Variants in ROBO1 observed in about 807,000 individuals in gnomAD.
ROBO1 encodes roundabout guidance receptor 1.
ROBO1 carries 149 observed loss-of-function variants against 195.9 expected under a neutral mutation model. The ratio of observed to expected loss-of-function variants is 0.76; its 90% CI spans 0.67 to 0.87. The LOEUF is 0.87. Ranked by LOEUF, ROBO1 falls within the 40% of genes least tolerant of loss-of-function variation. ROBO1 has a pLI of 0.00. For missense variants in ROBO1, 1,933 were observed against 2,068.3 expected, an observed-to-expected ratio of 0.93 and a Z score of 1.27; for synonymous variants, 816 against 733.2, an observed-to-expected ratio of 1.11 and a Z score of -1.82.
intron 4 of ROBO1, among the ~76,000 whole-genome samples, chr3:78,861,570 G>A (rs2034840884): frequency 6.6e-6 from 1 of 152,088 alleles, no homozygotes; most frequent in South Asian, 2.1e-4. Context: ...TGAATCTTCG[G>A]AAAATGCCAC....
chr3:79,014,254 G>C (rs113565422), intron 3 of ROBO1, among the ~76,000 whole-genome samples: 1,640 of 152,204 alleles, frequency 0.011, 30 homozygotes, highest in African/African-American at 0.034. Flanking sequence ...CAGATCACCT[G>C]AGGTCAGGAG....
chr3:79,193,018 G>A (rs889507544), intron 2 of ROBO1, among the ~76,000 whole-genome samples: 8 of 151,642 alleles, frequency 5.3e-5, no homozygotes, highest in African/African-American at 1.9e-4. Flanking sequence ...TGAGAGAAAC[G>A]AAGTTTTAAG....
intron 2 of ROBO1, among the ~76,000 whole-genome samples, chr3:79,439,323 G>A (rs1299029926): frequency 6.6e-6 from 1 of 151,994 alleles, no homozygotes; most frequent in African/African-American, 2.4e-5. Context: ...CTCAATTTTA[G>A]GGGAAAAATG....
At chr3:79,727,690 A>C (rs1702979307) in intron 1 of ROBO1, among the ~76,000 whole-genome samples, 1 of 152,104 alleles carries the variant, frequency 6.6e-6, no homozygotes, top group Non-Finnish European at 1.5e-5. Flanking sequence ...CTATGGAAAC[A>C]TTTTTCATTT....
At chr3:79,558,684 T>G (rs916119091) in intron 2 of ROBO1, among the ~76,000 whole-genome samples, 11 of 152,064 alleles carry the variant, frequency 7.2e-5, no homozygotes, top group Non-Finnish European at 1.6e-4. Context: ...AACTAATATT[T>G]ATTCTATTCT....
chr3:79,124,285 T>C (rs2080174236), intron 3 of ROBO1, among the ~76,000 whole-genome samples: 1 of 152,104 alleles, frequency 6.6e-6, no homozygotes, highest in South Asian at 2.1e-4. Context: ...AAATGAGTTA[T>C]TTATAAGAGC....
intron 2 of ROBO1, among the ~76,000 whole-genome samples, chr3:79,534,060 A>G (rs1013823846): frequency 6.8e-6 from 1 of 147,904 alleles, no homozygotes; most frequent in African/African-American, 2.5e-5. Context: ...CAGCAGAGTG[A>G]CGTGAGAAAG....
chr3:79,492,281 C>T (rs1479427764), intron 2 of ROBO1, among the ~76,000 whole-genome samples: 1 of 151,872 alleles, frequency 6.6e-6, no homozygotes, highest in African/African-American at 2.4e-5. Context: ...AAAAATTAGC[C>T]AGGCGTGGTG....
chr3:79,351,222 T>G (rs2035328714), intron 2 of ROBO1, among the ~76,000 whole-genome samples: 1 of 152,214 alleles, frequency 6.6e-6, no homozygotes, highest in African/African-American at 2.4e-5. Flanking sequence ...TTATGTTGCT[T>G]CAGGCACTTC....
At position 78,684,437 on chromosome 3, in the gene ROBO1, C is replaced by T. The variant is rs950951465; in HGVS notation, c.1342+1309G>A. ...AGCCTTCTATGGTCTTGGAAATGTT[C>T]CATATCTTGATCGGAGTGGTCACGA... On this transcript the variant is annotated intron_variant, in intron 10 of 30. Transcript: ENST00000464233. 6.6e-5 allele frequency among the ~76,000 whole-genome samples: 10 copies of T among 152,190 alleles called. No individual in the cohort carries two copies. In the Middle Eastern group the frequency reaches 0.01, roughly 155 times the overall value.
At chr3:79,397,068 G>C (rs1559870179) in intron 2 of ROBO1, among the ~76,000 whole-genome samples, 1 of 151,868 alleles carries the variant, frequency 6.6e-6, no homozygotes, top group East Asian at 1.9e-4. Flanking sequence ...ACTAAAACGT[G>C]AAAAATATAC....
intron 2 of ROBO1, among the ~76,000 whole-genome samples, chr3:79,300,332 G>A (rs1171678512): frequency 1.3e-5 from 2 of 152,196 alleles, no homozygotes; most frequent in South Asian, 2.1e-4. Flanking sequence ...CGGCCCTGCC[G>A]GCCCCAGGCA....
chr3:78,697,001 G>T (rs1481467851), intron 8 of ROBO1, among the ~76,000 whole-genome samples: 3 of 150,496 alleles, frequency 2.0e-5, no homozygotes, highest in Admixed American at 6.7e-5. Context: ...CATCAAAACA[G>T]TATATTTTGA....
intron 3 of ROBO1, among the ~76,000 whole-genome samples, chr3:79,017,452 T>A (rs1306873765): frequency 8.5e-6 from 1 of 118,020 alleles, no homozygotes; most frequent in East Asian, 2.5e-4. Flanking sequence ...CGAGGTGCAG[T>A]GTGTGTGTGT....
chr3:79,622,088 C>T (rs1172285948), intron 1 of ROBO1, among the ~76,000 whole-genome samples: 1 of 152,110 alleles, frequency 6.6e-6, no homozygotes, highest in Non-Finnish European at 1.5e-5. Context: ...TTTGGCAGCC[C>T]ACCTGAAAGC....
intron 2 of ROBO1, among the ~76,000 whole-genome samples, chr3:79,308,720 C>T (rs993627616): frequency 1.3e-5 from 2 of 152,236 alleles, no homozygotes; most frequent in Admixed American, 1.3e-4. Flanking sequence ...TAACATTTGC[C>T]TCTGAATCAA....
chr3:79,413,628 A>C (rs978645258), intron 2 of ROBO1, among the ~76,000 whole-genome samples: 11 of 152,132 alleles, frequency 7.2e-5, no homozygotes, highest in Non-Finnish European at 1.5e-4. Flanking sequence ...TTTTTAAAGC[A>C]AAAAAGGACA....
At chr3:78,605,131 T>G (rs568284587) in intron 29 of ROBO1, among the ~76,000 whole-genome samples, 1 of 152,210 alleles carries the variant, frequency 6.6e-6, no homozygotes, top group Non-Finnish European at 1.5e-5. Flanking sequence ...GCAAGATCCC[T>G]TTTTTCCTCG....
chr3:79,676,858 T>C (rs35091429), intron 1 of ROBO1, among the ~76,000 whole-genome samples: 46,873 of 151,964 alleles, frequency 0.31, 8,776 homozygotes, highest in African/African-American at 0.53. Context: ...TTCTGTCTGC[T>C]GCAAAACAAA....
Sources: gnomAD v4.1 joint callset for allele counts (sites outside exome capture counted in the v4.1 genomes callset) on GRCh38, gnomAD v4.1.1 for gene constraint, MANE v1.5 for transcripts, NCBI Gene and HGNC (gene_info 2026-07-23, HGNC 2026-07-21) for gene names.